THSD7A: variants seen among roughly 807,000 people sequenced by gnomAD.
The protein encoded by THSD7A is thrombospondin type 1 domain containing 7A.
In THSD7A, 96 loss-of-function variants were observed where a neutral mutation model predicts 231.3. The ratio of observed to expected loss-of-function variants is 0.41; its 90% CI spans 0.35 to 0.49. THSD7A has a LOEUF of 0.49. THSD7A is among the 20% of genes least tolerant of loss of function. The pLI, the probability that THSD7A is intolerant of heterozygous loss-of-function variation, is 0.05. For synonymous variants in THSD7A, 940 were observed against 743.3 expected, an observed-to-expected ratio of 1.26 and a Z score of -4.30; for missense variants, 2,290 against 2,070.2, an observed-to-expected ratio of 1.11 and a Z score of -2.06.
At chr7:11,808,532 G>A (rs916297347) in intron 1 of THSD7A, among the ~76,000 whole-genome samples, 3 of 151,860 alleles carry the variant, frequency 2.0e-5, no homozygotes, top group Non-Finnish European at 4.4e-5. Context: ...ATGAATTAAG[G>A]CACAACTATA....
chr7:11,513,084 C>A (rs1787886622), intron 6 of THSD7A, among the ~76,000 whole-genome samples: 1 of 151,172 alleles, frequency 6.6e-6, no homozygotes, highest in African/African-American at 2.4e-5. Flanking sequence ...TGTGTATTCT[C>A]ACTAATAGGT....
intron 1 of THSD7A, among the ~76,000 whole-genome samples, chr7:11,642,318 C>T (rs1442309124): frequency 6.6e-6 from 1 of 151,994 alleles, no homozygotes; most frequent in Non-Finnish European, 1.5e-5. Context: ...AAAATTGCTT[C>T]TTTTATTGTT....
intron 19 of THSD7A, among the ~76,000 whole-genome samples, chr7:11,407,880 C>T (rs1245261800): frequency 6.6e-6 from 1 of 152,042 alleles, no homozygotes; most frequent in Non-Finnish European, 1.5e-5. Flanking sequence ...AACATAAATT[C>T]ATACTCAAAA....
intron 9 of THSD7A, among the ~76,000 whole-genome samples, chr7:11,467,104 C>T (rs1273358591): frequency 6.6e-6 from 1 of 152,224 alleles, no homozygotes; most frequent in Non-Finnish European, 1.5e-5. Context: ...GGGAAAGTTT[C>T]CTTCACATCT....
chr7:11,714,630 C>A (rs891061456), intron 1 of THSD7A, among the ~76,000 whole-genome samples: 2 of 150,736 alleles, frequency 1.3e-5, no homozygotes, highest in African/African-American at 4.9e-5. Flanking sequence ...CTTAAGGAAA[C>A]ACAGAAAGCA....
chr7:11,394,318 A>AT (rs1783098054), intron 23 of THSD7A, among the ~76,000 whole-genome samples: 2 of 152,192 alleles, frequency 1.3e-5, no homozygotes, highest in Admixed American at 6.5e-5. Context: ...GTGCTGAGAG[A>AT]TTTTGTCACC....
chr7:11,602,166 A>G (rs1012956342), intron 2 of THSD7A, among the ~76,000 whole-genome samples: 4 of 152,194 alleles, frequency 2.6e-5, no homozygotes, highest in Non-Finnish European at 4.4e-5. Flanking sequence ...CAAACCAGAT[A>G]TATTTTTCTA....
At position 11,427,774 on chromosome 7, in the gene THSD7A, T is replaced by C. The variant is rs79538868; in HGVS notation, c.3244-1103A>G. On this transcript the variant is annotated intron_variant, in intron 14 of 27. Coordinates refer to ENST00000423059, the MANE Select transcript of THSD7A (RefSeq NM_015204.3). The stretch of plus-strand genomic sequence containing the variant: ...TTTCTGTTTTGCAGTTATATAATTA[T>C]AGTTGCTGAACTGAATTTTCTTTGG... Among the ~76,000 whole-genome samples, 770 of 152,278 alleles carry C rather than the reference T, an allele frequency of 5.1e-3. 22 individuals are homozygous for C. In the East Asian group the frequency reaches 0.092, roughly 18 times the overall value.
chr7:11,806,634 A>G (rs1398334036), intron 1 of THSD7A, among the ~76,000 whole-genome samples: 1 of 152,188 alleles, frequency 6.6e-6, no homozygotes, highest in Non-Finnish European at 1.5e-5. Flanking sequence ...TTATTAAAAT[A>G]GATCAATGTT....
chr7:11,461,849 C>G (rs1399421332), intron 10 of THSD7A, among the ~76,000 whole-genome samples, 162 bp downstream of exon 10: 1 of 152,212 alleles, frequency 6.6e-6, no homozygotes, highest in Admixed American at 6.5e-5. Flanking sequence ...AGCACAGCAG[C>G]TCTGCTGAAG....
chr7:11,401,433 T>G (rs1783398175), intron 23 of THSD7A, among the ~76,000 whole-genome samples: 1 of 152,202 alleles, frequency 6.6e-6, no homozygotes, highest in African/African-American at 2.4e-5. Flanking sequence ...TATTTATTTT[T>G]GAGATGGAAT....
intron 1 of THSD7A, among the ~76,000 whole-genome samples, chr7:11,650,442 A>G (rs1782454030): frequency 6.6e-6 from 1 of 152,084 alleles, no homozygotes; most frequent in Non-Finnish European, 1.5e-5. Flanking sequence ...AGTAACTATA[A>G]ACAGGAAGCT....
At chr7:11,633,248 A>G (rs1391213529) in intron 2 of THSD7A, among the ~76,000 whole-genome samples, 2 of 152,142 alleles carry the variant, frequency 1.3e-5, no homozygotes, top group Admixed American at 1.3e-4. Flanking sequence ...TGGTCCTGCT[A>G]AGATTTCACC....
chr7:11,379,548 T>C, intron 25 of THSD7A, 82 bp downstream of exon 25: 1 of 1,294,982 alleles, frequency 7.7e-7, no homozygotes, highest in East Asian at 2.5e-5. Flanking sequence ...ATGCTTTCTT[T>C]GGAGGAAGAT....
intron 1 of THSD7A, among the ~76,000 whole-genome samples, chr7:11,688,115 G>A (rs935889877): frequency 3.0e-5 from 4 of 132,958 alleles, no homozygotes; most frequent in Admixed American, 2.9e-4. Context: ...CTGTGTCCAT[G>A]TGTTCTCATT....
intron 1 of THSD7A, among the ~76,000 whole-genome samples, chr7:11,698,760 G>C (rs756415415): frequency 2.0e-5 from 3 of 151,288 alleles, no homozygotes; most frequent in Non-Finnish European, 3.0e-5. Context: ...ACAGAGATTA[G>C]GGAATTTGCT....
intron 1 of THSD7A, among the ~76,000 whole-genome samples, chr7:11,667,890 T>C (rs1783207123): frequency 6.6e-6 from 1 of 152,160 alleles, no homozygotes; most frequent in Non-Finnish European, 1.5e-5. Context: ...AGCATATGTA[T>C]TAGCATAAAA....
At chr7:11,396,425 G>C (rs968994801) in intron 23 of THSD7A, among the ~76,000 whole-genome samples, 74 of 152,062 alleles carry the variant, frequency 4.9e-4, no homozygotes, top group African/African-American at 1.7e-3. Flanking sequence ...GAATCAAATA[G>C]ATTCAATAAA....
At chr7:11,488,256 C>G (rs1019842379) in intron 6 of THSD7A, among the ~76,000 whole-genome samples, 2 of 152,060 alleles carry the variant, frequency 1.3e-5, no homozygotes, top group Non-Finnish European at 2.9e-5. Flanking sequence ...TTCACATTGA[C>G]TTTTGAGAGT....
Sources: gnomAD v4.1 joint callset for allele counts (sites outside exome capture counted in the v4.1 genomes callset) on GRCh38, gnomAD v4.1.1 for gene constraint, MANE v1.5 for transcripts, NCBI Gene and HGNC (gene_info 2026-07-23, HGNC 2026-07-21) for gene names.